Variants in RADIL observed in about 807,000 individuals in gnomAD.
The protein encoded by RADIL is ras-associating and dilute domain-containing protein.
RADIL carries 99 observed loss-of-function variants against 97.6 expected under a neutral mutation model. The ratio of observed to expected loss-of-function variants is 1.01; its 90% CI spans 0.86 to 1.20. The LOEUF (loss-of-function observed/expected upper bound fraction) is 1.20. RADIL is among the 50% of genes most tolerant of loss of function. The pLI is 0.00. For missense variants in RADIL, 1,765 were observed against 1,498.9 expected (o/e 1.18, Z -2.93); for synonymous variants, 803 against 691.8 (o/e 1.16, Z -2.52).
chr7:4,868,068 G>GT (rs932228759), intron 2 of RADIL, among the ~76,000 whole-genome samples: 24 of 149,714 alleles, frequency 1.6e-4, no homozygotes, highest in South Asian at 2.1e-4. Context: ...AATGAACTGT[G>GT]TTTTTTTTTT....
Position 4,840,523 on chromosome 7 carries a change from C to CA in RADIL, c.536-3919dup, listed in dbSNP as rs929641799. On this transcript the variant is annotated intron_variant, in intron 2 of 14. Transcript: ENST00000399583. The surrounding 1 kb of genome is among the most constrained non-coding windows in gnomAD (Gnocchi z 5.6). ...AGCACACTGCTCAGGAAGGGTAGGC[C>CA]AGGGCTTTGCAATTTTAGGGACTGC... Among the ~76,000 whole-genome samples the CA allele has an allele frequency of 1.2e-4, 19 of 152,148 alleles. No homozygotes were observed. Among genetic ancestry groups the CA allele is most frequent in the Admixed American group, 7.2e-4 (11 of 15,276 alleles).
rs936758645 is a variant in RADIL at position 4,877,919 on chromosome 7, G to C, written c.221C>G (p.Thr74Arg). The C allele has an allele frequency of 6.2e-7, 1 of 1,607,208 alleles. No homozygotes were observed. The highest frequency in any genetic ancestry group is 8.5e-7 in the Non-Finnish European group (1 of 1,179,982). ...CAGGACGCTCTTGTAGTGGGTTCCT[G>C]TGCAGACACTGTCCCCAAACACCTT... The part of the protein sequence containing the change: ...VLKVFGDSVC[T>R]GTHYKSVLAT... Residue 74 changes from threonine to arginine, a missense_variant, in exon 2 of 15, where the codon ACA (threonine) becomes AGA (arginine). By Grantham distance (71) the Thr-to-Arg change is moderately conservative. Transcript: ENST00000399583.
intron 1 of RADIL, among the ~76,000 whole-genome samples, chr7:4,882,428 C>T (rs543199676): frequency 8.5e-5 from 13 of 152,328 alleles, no homozygotes; most frequent in African/African-American, 2.9e-4. Context: ...GGGTGTGGGG[C>T]GCTGGCTGGT....
chr7:4,823,294 A>G (rs1782884518), intron 5 of RADIL, among the ~76,000 whole-genome samples: 1 of 152,078 alleles, frequency 6.6e-6, no homozygotes, highest in Non-Finnish European at 1.5e-5. Flanking sequence ...CGTCTCTACT[A>G]AAAATACAAA....
At chr7:4,868,179 CA>C (rs1784172027) in intron 2 of RADIL, among the ~76,000 whole-genome samples, 1 of 152,154 alleles carries the variant, frequency 6.6e-6, no homozygotes, top group Non-Finnish European at 1.5e-5. Flanking sequence ...TCTCCTGCCT[CA>C]GCCTCCCGAG....
At chr7:4,805,769 C>G (rs1263541765) in intron 9 of RADIL, 53 bp from the exon 10 acceptor site, 2 of 1,562,342 alleles carry the variant, frequency 1.3e-6, no homozygotes, top group Non-Finnish European at 1.7e-6. Context: ...CAGACCCCAG[C>G]CCAAAGAGGG....
chr7:4,877,790 CCCA>C lies in RADIL; in HGVS notation c.347_349del (p.Val116del), dbSNP rs777951319. 2.0e-5 allele frequency: 32 copies of C among 1,611,500 alleles called. No homozygotes were observed. The highest frequency in any genetic ancestry group is 2.6e-5 in the Non-Finnish European group (31 of 1,179,922). On this transcript the variant is annotated inframe_deletion, in exon 2 of 15. Coordinates refer to ENST00000399583, the MANE Select transcript of RADIL (RefSeq NM_018059.5). Reference sequence around the variant, plus strand: ...CCGCTGCCCAGCATCGCCGGCTTGGCCCACCACGTCACACAGCACGTACTGGCC... The same window carrying C: ...CCGCTGCCCAGCATCGCCGGCTTGGCCCACGTCACACAGCACGTACTGGCC...
chr7:4,862,837 C>T (rs1390166370), intron 2 of RADIL, among the ~76,000 whole-genome samples: 8 of 150,968 alleles, frequency 5.3e-5, no homozygotes, highest in African/African-American at 2.0e-4. Flanking sequence ...GCAGAGGTTG[C>T]GGTGAGCCAA....
intron 4 of RADIL, 65 bp from the exon 5 acceptor site, chr7:4,832,243 A>G (rs373618946): frequency 1.4e-4 from 200 of 1,479,054 alleles, no homozygotes; most frequent in Non-Finnish European, 1.6e-4. Context: ...ACGCGTTCAA[A>G]TACACGATAC....
rs944524985 is a variant in RADIL, at chr7:4,798,876, G to A, written c.*502C>T. 1.8e-5 allele frequency: 3 copies of A among 164,942 alleles called. No individual in the cohort carries two copies. The highest frequency in any genetic ancestry group is 1.6e-4 in the South Asian group (1 of 6,416). The allele number at this position is 164,942 out of a possible 1,614,324, so 10.2% of individuals were successfully genotyped here. ...CGGGATCAGAAGTCCAGCATCCTCTGCCAGGTCTGGCCCTGCTTCAGCTGG... is the reference window on the plus strand; with the variant it reads ...CGGGATCAGAAGTCCAGCATCCTCTACCAGGTCTGGCCCTGCTTCAGCTGG... On this transcript the variant is annotated 3_prime_UTR_variant, in exon 15 of 15. Coordinates refer to ENST00000399583, the MANE Select transcript of RADIL (RefSeq NM_018059.5).
At chr7:4,881,211 C>A (rs1784478085) in intron 1 of RADIL, among the ~76,000 whole-genome samples, 1 of 141,560 alleles carries the variant, frequency 7.1e-6, no homozygotes. Context: ...GTCAGCAGAT[C>A]GAGACCATCC....
chr7:4,844,400 G>A (rs1380228310), intron 2 of RADIL, among the ~76,000 whole-genome samples: 4 of 150,964 alleles, frequency 2.6e-5, no homozygotes, highest in Non-Finnish European at 5.9e-5. Context: ...AGCTGAGATC[G>A]CACCACTGCA....
intron 5 of RADIL, among the ~76,000 whole-genome samples, chr7:4,823,104 T>C (rs1583282883): frequency 6.6e-6 from 1 of 152,230 alleles, no homozygotes; most frequent in African/African-American, 2.4e-5. Flanking sequence ...GTAAAGTCCA[T>C]GAATCGCGGG....
intron 11 of RADIL, 45 bp from the exon 12 acceptor site, chr7:4,802,040 T>G (rs1782105097): frequency 7.0e-7 from 1 of 1,424,700 alleles, no homozygotes; most frequent in African/African-American, 1.4e-5. Flanking sequence ...AGTGGCCAGG[T>G]GGACACAGCA....
Position 4,814,683 on chromosome 7 carries a change from G to A in RADIL, c.2139+595C>T, listed in dbSNP as rs554145678. On this transcript the variant is annotated intron_variant, in intron 9 of 14. Transcript: ENST00000399583. The surrounding 1 kb of genome is among the most constrained non-coding windows in gnomAD (Gnocchi z 4.5). ...CCACACAGTGCACTCTCACAGCTCC[G>A]CGGCTCCACAGCTCAGCCGGGTCTC... Among the ~76,000 whole-genome samples, 14 of 152,286 alleles carry A rather than the reference G, an allele frequency of 9.2e-5. No individual in the cohort carries two copies. The highest frequency in any genetic ancestry group is 3.9e-4 in the East Asian group (2 of 5,176).
rs772984915 is a variant in RADIL, at chr7:4,803,549, G to A, written c.2496C>T (p.Pro832=). 671 of 1,539,158 alleles carry A rather than the reference G, an allele frequency of 4.4e-4. 8 individuals carry two copies. The highest frequency in any genetic ancestry group is 1.7e-4 in the Non-Finnish European group (190 of 1,140,058). ...GGGGGGCCCCCTCCCCGGGTACCTC[G>A]GGGCACACTGGCTGGGAGGCCCCAC... ...PGSGASQPVC[P]EGMHHVVLDG... The change falls in exon 11 of 15, where the codon CCC becomes CCT. Residue 832 remains proline, a synonymous_variant. Transcript: ENST00000399583.
intron 5 of RADIL, among the ~76,000 whole-genome samples, chr7:4,831,491 T>C (rs1311668428): frequency 1.3e-5 from 2 of 151,136 alleles, no homozygotes; most frequent in African/African-American, 4.9e-5. Context: ...CGACATAAGT[T>C]TACCTATGTA....
At chr7:4,868,155 C>G (rs1394378878) in intron 2 of RADIL, among the ~76,000 whole-genome samples, 1 of 152,188 alleles carries the variant, frequency 6.6e-6, no homozygotes, top group South Asian at 2.1e-4. Flanking sequence ...CTCCGCCTCC[C>G]GGGTTCATGC....
rs369494412 is a variant in RADIL, at chr7:4,835,111, C to T, written c.912G>A (p.Pro304=). 1.1e-5 allele frequency: 17 copies of T among 1,607,978 alleles called. No homozygotes were observed. Among genetic ancestry groups the T allele is most frequent in the African/African-American group, 9.4e-5 (7 of 74,828 alleles). The stretch of plus-strand genomic sequence containing the variant: ...CCGCGGCCTGGCCGCTGTCCGGGAG[C>T]GGTTGCCGGCGGATGGTGCAGTGTA... The part of the protein sequence containing the change: ...LPLHCTIRRQ[P]LPDSGQAAGR... Residue 304 remains proline, a synonymous_variant, in exon 4 of 15, where the codon CCG becomes CCA. Coordinates refer to ENST00000399583, the MANE Select transcript of RADIL (RefSeq NM_018059.5). The surrounding 1 kb of genome is among the most constrained non-coding windows in gnomAD (Gnocchi z 5.8).
Sources: allele counts gnomAD v4.1 joint callset (sites outside exome capture counted in the v4.1 genomes callset), GRCh38; gene constraint gnomAD v4.1.1; non-coding constraint Gnocchi (gnomAD v3.1); transcripts MANE v1.5; gene names NCBI Gene and HGNC (gene_info 2026-07-23, HGNC 2026-07-21).